The following SCAI variants were observed in gnomAD, a reference collection of about 807,000 sequenced individuals.
SCAI encodes the protein protein SCAI.
A neutral mutation model predicts 92.2 loss-of-function variants in SCAI; 24 were observed. The observed-to-expected ratio is 0.26, with a 90% CI of 0.19 to 0.37. The LOEUF (loss-of-function observed/expected upper bound fraction) is 0.37, where lower values mean the gene tolerates loss of function less well. Ranked by LOEUF, SCAI falls within the 10% of genes least tolerant of loss-of-function variation. The pLI is 1.00. For synonymous variants in SCAI, 261 were observed against 258.6 expected (o/e 1.01, Z -0.09); for missense variants, 450 against 736.2 (o/e 0.61, Z 4.50).
chr9:125,110,036 C>T (rs756133052), intron 2 of SCAI, among the ~76,000 whole-genome samples: 24 of 152,094 alleles, frequency 1.6e-4, no homozygotes, highest in Non-Finnish European at 2.4e-4. Context: ...GGCCTTAAGA[C>T]TCAGATGATA....
rs201327064 is a variant in SCAI, at chr9:125,142,653, C to T, written c.78G>A (p.Pro26=). The T allele has an allele frequency of 9.6e-4, 1,550 of 1,613,898 alleles. 6 individuals carry two copies. Among genetic ancestry groups the T allele is most frequent in the Non-Finnish European group, 1.2e-3 (1,434 of 1,179,842 alleles). ...APRLTGTVEK[P]PRKRRSRTEF... The stretch of plus-strand genomic sequence containing the variant: ...CTTACCTGCTTCTCCGTTTTCGAGG[C>T]GGTTTCTCCACTGTGCCAGTCAGTC... Residue 26 remains proline, a synonymous_variant, in exon 2 of 18, where the codon CCG becomes CCA. Coordinates refer to ENST00000336505, the MANE Select transcript of SCAI (RefSeq NM_001144877.3).
At chr9:124,963,784 G>C (rs1473765551) in intron 17 of SCAI, among the ~76,000 whole-genome samples, 3 of 138,496 alleles carry the variant, frequency 2.2e-5, no homozygotes, top group African/African-American at 7.9e-5. Context: ...AAAAAAAAAG[G>C]AAAAAGAAAA....
At chr9:125,112,313 C>T (rs917513791) in intron 2 of SCAI, among the ~76,000 whole-genome samples, 1 of 152,030 alleles carries the variant, frequency 6.6e-6, no homozygotes, top group Non-Finnish European at 1.5e-5. Context: ...AAAAAAAACT[C>T]AAGTATCTTT....
chr9:125,100,209 T>C (rs1834650309), intron 2 of SCAI, among the ~76,000 whole-genome samples: 1 of 152,240 alleles, frequency 6.6e-6, no homozygotes, highest in Non-Finnish European at 1.5e-5. Context: ...ACATTTAGCT[T>C]AGAATTGCAA....
chr9:125,096,984 AT>A (rs766423835), intron 2 of SCAI, among the ~76,000 whole-genome samples: 7 of 152,016 alleles, frequency 4.6e-5, no homozygotes, highest in South Asian at 4.1e-4. Context: ...TATCAAACAC[AT>A]TTTTTTTGAG....
intron 2 of SCAI, among the ~76,000 whole-genome samples, chr9:125,077,973 G>A (rs994445532): frequency 1.4e-5 from 2 of 146,280 alleles, no homozygotes; most frequent in African/African-American, 2.5e-5. Flanking sequence ...CACCCCCCCC[G>A]CCTCCCAAAG....
intron 15 of SCAI, among the ~76,000 whole-genome samples, chr9:124,974,808 T>C (rs965568822): frequency 1.3e-5 from 2 of 152,240 alleles, no homozygotes; most frequent in Non-Finnish European, 2.9e-5. Context: ...CATTATTCTA[T>C]GAGGTAGATA....
At chr9:125,080,788 C>G (rs898133708) in intron 2 of SCAI, among the ~76,000 whole-genome samples, 2 of 152,298 alleles carry the variant, frequency 1.3e-5, no homozygotes, top group South Asian at 4.1e-4. Context: ...ATAATTTATA[C>G]CATCAATCAC....
intron 3 of SCAI, among the ~76,000 whole-genome samples, chr9:125,044,397 C>T (rs1490008527): frequency 6.6e-6 from 1 of 152,142 alleles, no homozygotes; most frequent in African/African-American, 2.4e-5. Context: ...GAGCTACCCA[C>T]TCCTTTCTGC....
At position 124,968,412 on chromosome 9, in the gene SCAI, T is replaced by G. The variant is rs1037282372; in HGVS notation, c.1674+2958A>C. On this transcript the variant is annotated intron_variant, in intron 17 of 17. Transcript: ENST00000336505. The stretch of plus-strand genomic sequence containing the variant: ...CACGCAATCGTGGGAGTACACCCAG[T>G]TTTTCTCAGTCCAGTCATAACGCTT... The G allele has an allele frequency of 1.7e-5, 19 of 1,133,096 alleles. No homozygotes were observed. In the African/African-American group the frequency reaches 2.6e-4, roughly 15 times the overall value. 70.2% of individuals were successfully genotyped at this position (1,133,096 alleles called of 1,614,324 possible).
At chr9:124,989,790 G>A (rs1320737386) in intron 14 of SCAI, among the ~76,000 whole-genome samples, 3 of 151,426 alleles carry the variant, frequency 2.0e-5, no homozygotes, top group African/African-American at 4.9e-5. Context: ...GGCTAAGGCA[G>A]GAGAATGGCC....
At chr9:125,045,608 TTAC>T (rs1833417953) in intron 3 of SCAI, among the ~76,000 whole-genome samples, 1 of 152,188 alleles carries the variant, frequency 6.6e-6, no homozygotes. Flanking sequence ...AGTGCTGGAA[TTAC>T]AGGCATGAGT....
At chr9:124,973,435 C>T (rs558726062) in intron 15 of SCAI, among the ~76,000 whole-genome samples, 4 of 152,344 alleles carry the variant, frequency 2.6e-5, no homozygotes, top group African/African-American at 9.6e-5. Flanking sequence ...TGGTGGCTCA[C>T]GCCTGTAATC....
intron 16 of SCAI, 81 bp downstream of exon 16, chr9:124,971,590 A>C (rs1831659016): frequency 7.0e-7 from 1 of 1,432,762 alleles, no homozygotes; most frequent in South Asian, 1.3e-5. Flanking sequence ...ACCTTTAAAA[A>C]TTCAAACAAT....
At chr9:125,028,325 T>A (rs1055188197) in intron 5 of SCAI, 67 bp downstream of exon 5, 1 of 851,328 alleles carries the variant, frequency 1.2e-6, no homozygotes, top group Non-Finnish European at 1.9e-6. Flanking sequence ...ATACTATGTA[T>A]GTATACTTCT....
chr9:125,134,276 T>C (rs772869437), intron 2 of SCAI, among the ~76,000 whole-genome samples: 217 of 152,308 alleles, frequency 1.4e-3, no homozygotes, highest in Non-Finnish European at 1.5e-3. Flanking sequence ...TTGTATGTAC[T>C]GTGTAAACCT....
Position 125,107,598 on chromosome 9 carries a change from T to C in SCAI, c.98+35035A>G, listed in dbSNP as rs545646221. Among the ~76,000 whole-genome samples the C allele has an allele frequency of 2.6e-5, 4 of 152,070 alleles. No homozygotes were observed. The East Asian group carries it at 7.8e-4, about 30-fold the overall frequency. On this transcript the variant is annotated intron_variant, in intron 2 of 17. Coordinates refer to ENST00000336505, the MANE Select transcript of SCAI (RefSeq NM_001144877.3). The stretch of plus-strand genomic sequence containing the variant: ...CTGGGCAACATAGTGAGACTCTGTC[T>C]CTAAGAAAATTTTAAATATTACCCA...
At chr9:125,003,389 T>TCTGTTGAATAATCAG in intron 10 of SCAI, 80 bp downstream of exon 10, 1 of 1,059,620 alleles carries the variant, frequency 9.4e-7, no homozygotes, top group South Asian at 1.3e-5. Context: ...GGCTGTAGTA[T>TCTGTTGAATAATCAG]CTGTTGAATA....
chr9:125,097,539 A>G (rs1834584477), intron 2 of SCAI, among the ~76,000 whole-genome samples: 1 of 152,082 alleles, frequency 6.6e-6, no homozygotes, highest in African/African-American at 2.4e-5. Context: ...AGATATAGAC[A>G]CAGATATATG....
Sources: gnomAD v4.1 joint callset for allele counts (sites outside exome capture counted in the v4.1 genomes callset) on GRCh38, gnomAD v4.1.1 for gene constraint, MANE v1.5 for transcripts, NCBI Gene and HGNC (gene_info 2026-07-23, HGNC 2026-07-21) for gene names.